Variants in TENM3 observed in about 807,000 individuals in gnomAD.
TENM3 encodes teneurin-3.
A neutral mutation model predicts 255.1 loss-of-function variants in TENM3; 63 were observed. The observed-to-expected ratio is 0.25, with a 90% CI of 0.20 to 0.30. The LOEUF is 0.30. Ranked by LOEUF, TENM3 falls within the 10% of genes least tolerant of loss-of-function variation. The pLI, the probability that TENM3 is intolerant of heterozygous loss-of-function variation, is 1.00. For missense variants in TENM3, 2,929 were observed against 3,461.1 expected, an observed-to-expected ratio of 0.85 and a Z score of 3.86; for synonymous variants, 1,306 against 1,322.3, an observed-to-expected ratio of 0.99 and a Z score of 0.27.
At chr4:182,120,756 C>T in the TENM3 span, among the ~76,000 whole-genome samples, 1 of 151,988 alleles carries the variant, frequency 6.6e-6, no homozygotes, top group Non-Finnish European at 1.5e-5. Context: ...AAGTGAATAG[C>T]CAGTGTCCGG....
chr4:181,934,058 G>T, the TENM3 span, among the ~76,000 whole-genome samples: 1 of 146,152 alleles, frequency 6.8e-6, no homozygotes, highest in Non-Finnish European at 1.5e-5. Context: ...CTGTGTGTGT[G>T]TGTGTGTGTG....
chr4:181,471,031 G>A, the TENM3 span, among the ~76,000 whole-genome samples: 137 of 151,550 alleles, frequency 9.0e-4, no homozygotes, highest in African/African-American at 3.1e-3. Context: ...GGCCCCCATC[G>A]GCACTGACTA....
chr4:181,459,538 A>G, the TENM3 span, among the ~76,000 whole-genome samples: 2 of 151,890 alleles, frequency 1.3e-5, no homozygotes, highest in South Asian at 2.1e-4. Context: ...ATCTGAGGTA[A>G]CAGTCATTTT....
chr4:181,689,287 A>T, the TENM3 span, among the ~76,000 whole-genome samples: 1 of 152,230 alleles, frequency 6.6e-6, no homozygotes, highest in Admixed American at 6.5e-5. Flanking sequence ...GCTATTTTTT[A>T]AAATCCAATT....
At chr4:182,464,088 T>G (rs895529132) in intron 3 of TENM3, among the ~76,000 whole-genome samples, 3 of 152,222 alleles carry the variant, frequency 2.0e-5, no homozygotes, top group Non-Finnish European at 4.4e-5. Context: ...TAATTGTTCA[T>G]GAATCATTAA....
intron 1 of TENM3, among the ~76,000 whole-genome samples, chr4:182,171,099 A>C (rs894930873): frequency 6.6e-6 from 1 of 152,206 alleles, no homozygotes; most frequent in East Asian, 1.9e-4. Flanking sequence ...TGACCCATAA[A>C]ATTTTTACAG....
chr4:181,655,237 G>A, the TENM3 span, among the ~76,000 whole-genome samples: 20 of 152,284 alleles, frequency 1.3e-4, no homozygotes, highest in Non-Finnish European at 2.2e-4. Flanking sequence ...TCCAAGGAGC[G>A]TGAGAAGAGT....
intron 13 of TENM3, among the ~76,000 whole-genome samples, chr4:182,728,664 T>C (rs1051842353): frequency 6.6e-6 from 1 of 152,214 alleles, no homozygotes; most frequent in African/African-American, 2.4e-5. Flanking sequence ...CTCTACTGAA[T>C]ACTGAGGCAG....
chr4:181,695,761 G>A, the TENM3 span, among the ~76,000 whole-genome samples: 3 of 152,070 alleles, frequency 2.0e-5, no homozygotes, highest in Non-Finnish European at 4.4e-5. Flanking sequence ...AAGCAGAGCC[G>A]GTTAACTTTG....
the TENM3 span, among the ~76,000 whole-genome samples, chr4:181,662,201 G>A: frequency 0.16 from 24,264 of 152,100 alleles, 2,652 homozygotes; most frequent in African/African-American, 0.29. Flanking sequence ...TATCCACTCT[G>A]GCTGATATGT....
chr4:181,964,314 G>A, the TENM3 span, among the ~76,000 whole-genome samples: 1 of 151,944 alleles, frequency 6.6e-6, no homozygotes, highest in Non-Finnish European at 1.5e-5. Flanking sequence ...AAAGATGAGG[G>A]GTAATTTTAC....
intron 3 of TENM3, among the ~76,000 whole-genome samples, chr4:182,536,814 C>G (rs6828638): frequency 0.48 from 72,973 of 152,058 alleles, 17,701 homozygotes; most frequent in East Asian, 0.55. Flanking sequence ...TGTTGCCTCT[C>G]CTGGTGTCAG....
intron 16 of TENM3, among the ~76,000 whole-genome samples, chr4:182,731,830 G>A (rs1231447402): frequency 4.7e-5 from 7 of 149,124 alleles, no homozygotes; most frequent in Admixed American, 1.4e-4. Context: ...CGCCCAGGCT[G>A]GAGTGCAGTG....
the TENM3 span, among the ~76,000 whole-genome samples, chr4:181,765,250 G>A: frequency 6.6e-6 from 1 of 152,040 alleles, no homozygotes; most frequent in Non-Finnish European, 1.5e-5. Flanking sequence ...TGATCTCTTG[G>A]GAAATGTTTA....
chr4:182,247,447 A>G (rs1039169137), intron 1 of TENM3, among the ~76,000 whole-genome samples: 7 of 152,160 alleles, frequency 4.6e-5, no homozygotes, highest in Non-Finnish European at 8.8e-5. Context: ...GGCAGAACTC[A>G]CCCGCCTTAG....
chr4:182,491,000 A>C (rs1735245171), intron 3 of TENM3, among the ~76,000 whole-genome samples: 1 of 152,250 alleles, frequency 6.6e-6, no homozygotes. Flanking sequence ...ATAGTACTTC[A>C]TATCTACTAT....
the TENM3 span, among the ~76,000 whole-genome samples, chr4:182,070,574 G>A: frequency 7.0e-4 from 106 of 152,244 alleles, no homozygotes; most frequent in East Asian, 0.014. Context: ...CTGAAATTGC[G>A]CCGCTGCACT....
intron 3 of TENM3, among the ~76,000 whole-genome samples, chr4:182,427,583 T>C (rs1771319597): frequency 1.3e-5 from 2 of 152,178 alleles, no homozygotes; most frequent in Non-Finnish European, 2.9e-5. Context: ...TAATATATGT[T>C]CCCATCTTTA....
At chr4:182,645,505 A>G (rs1055875874) in intron 5 of TENM3, among the ~76,000 whole-genome samples, 5 of 151,998 alleles carry the variant, frequency 3.3e-5, no homozygotes, top group African/African-American at 9.7e-5. Context: ...AACCCTAAAA[A>G]CCTAAATGGC....
Sources: gnomAD v4.1 joint callset for allele counts (sites outside exome capture counted in the v4.1 genomes callset) on GRCh38, gnomAD v4.1.1 for gene constraint, MANE v1.5 for transcripts, NCBI Gene and HGNC (gene_info 2026-07-23, HGNC 2026-07-21) for gene names.